GPM6B: variants seen among roughly 807,000 people sequenced by gnomAD.
GPM6B encodes the protein glycoprotein M6B.
In GPM6B, 4 loss-of-function variants were observed where a neutral mutation model predicts 27.2. That is an observed-to-expected ratio of 0.15 (90% CI 0.07 to 0.34). The LOEUF (loss-of-function observed/expected upper bound fraction) is 0.34. Ranked by LOEUF, GPM6B falls within the 10% of genes least tolerant of loss-of-function variation. GPM6B has a pLI of 1.00. For missense variants in GPM6B, 183 were observed against 261.9 expected (o/e 0.70, Z 2.08); for synonymous variants, 124 against 103.1 (o/e 1.20, Z -1.23).
In GPM6B at chrX:13,800,808, C is replaced by A. The variant is rs924497810; in HGVS notation, c.181+6842G>T. Among the ~76,000 whole-genome samples the A allele has an allele frequency of 5.4e-5, 6 of 110,419 alleles. No individual in the cohort carries two copies. In the South Asian group the frequency reaches 2.3e-3, roughly 43 times the overall value. On this transcript the variant is annotated intron_variant, in intron 2 of 7. Coordinates refer to ENST00000316715, the MANE Select transcript of GPM6B (RefSeq NM_001001995.3). ...CTTAAAATGGGCCAAATTTCTGGGA[C>A]CCATCGCAGAGAGGGTAGGTGGGGA...
At chrX:13,845,787 G>A (rs183262784) in intron 1 of GPM6B, among the ~76,000 whole-genome samples, 45 of 112,093 alleles carry the variant, frequency 4.0e-4, no homozygotes, top group African/African-American at 1.4e-3. Flanking sequence ...AGCCAGCAAC[G>A]TTGCAAGAAA....
intron 1 of GPM6B, among the ~76,000 whole-genome samples, chrX:13,935,909 G>A (rs867113270): frequency 3.6e-4 from 41 of 112,366 alleles, no homozygotes; most frequent in Middle Eastern, 9.2e-3. Context: ...TGTGCAAAAC[G>A]ACCAAAGTTA....
At chrX:13,815,838 C>T (rs2106706) in intron 1 of GPM6B, among the ~76,000 whole-genome samples, 5,426 of 111,735 alleles carry the variant, frequency 0.049, 463 homozygotes, top group East Asian at 0.36. Flanking sequence ...ATAAATAAAA[C>T]GAAGTTTTGT....
chrX:13,927,495 A>T (rs768227677), intron 1 of GPM6B, among the ~76,000 whole-genome samples: 191 of 112,868 alleles, frequency 1.7e-3, no homozygotes, highest in Non-Finnish European at 3.0e-3. Flanking sequence ...GGCAAACCAC[A>T]ATTTCCTATG....
chrX:13,773,054 T>C, intron 7 of GPM6B, 24 bp from the exon 8 acceptor site: 1 of 1,197,811 alleles, frequency 8.3e-7, no homozygotes, highest in Non-Finnish European at 1.1e-6. Context: ...GTGAGCATGA[T>C]GGCTAGTGAG....
intron 1 of GPM6B, among the ~76,000 whole-genome samples, chrX:13,888,066 G>C (rs754059175): frequency 9.8e-5 from 11 of 112,293 alleles, no homozygotes; most frequent in Non-Finnish European, 1.5e-4. Context: ...CACTGAATTA[G>C]ATGATCCCTA....
intron 1 of GPM6B, among the ~76,000 whole-genome samples, chrX:13,808,106 CAACAGAGCACT>C (rs202211708): frequency 0.043 from 4,855 of 111,761 alleles, 156 homozygotes; most frequent in East Asian, 0.19. Context: ...CTTTTCAGAC[CAACAGAGCACT>C]AACAGAGCAC....
intron 7 of GPM6B, chrX:13,773,249 A>C (rs1376581098): frequency 7.1e-6 from 2 of 283,421 alleles, no homozygotes; most frequent in African/African-American, 5.5e-5. Context: ...AACATAGTGA[A>C]CTGGAAAAAA....
chrX:13,912,364 T>C (rs1001014251), intron 1 of GPM6B, among the ~76,000 whole-genome samples: 3 of 111,902 alleles, frequency 2.7e-5, no homozygotes, highest in African/African-American at 9.7e-5. Flanking sequence ...TTGTTACTGT[T>C]TAAAGCACTT....
chrX:13,899,494 T>TA (rs1377503904), intron 1 of GPM6B, among the ~76,000 whole-genome samples: 2 of 94,458 alleles, frequency 2.1e-5, no homozygotes, highest in Admixed American at 2.3e-4. Context: ...TGTGGGGTGA[T>TA]AAAAAATTAA....
intron 1 of GPM6B, among the ~76,000 whole-genome samples, chrX:13,881,419 G>A (rs1249456972): frequency 1.8e-5 from 2 of 110,769 alleles, no homozygotes; most frequent in East Asian, 5.7e-4. Flanking sequence ...GGCTGAGGTG[G>A]GAGAATCGCT....
At chrX:13,773,083 C>A (rs1166989387) in intron 7 of GPM6B, 53 bp from the exon 8 acceptor site, 9 of 1,099,330 alleles carry the variant, frequency 8.2e-6, no homozygotes, top group Non-Finnish European at 8.8e-6. Flanking sequence ...GAAGGCAAAG[C>A]GAGGCGCTAG....
intron 1 of GPM6B, among the ~76,000 whole-genome samples, chrX:13,834,074 G>A (rs1035715682): frequency 2.7e-5 from 3 of 112,381 alleles, no homozygotes; most frequent in Non-Finnish European, 3.8e-5. Context: ...CTGATTATCC[G>A]GTCTTATTTG....
chrX:13,914,398 A>C (rs146202349), intron 1 of GPM6B, among the ~76,000 whole-genome samples: 1,559 of 112,450 alleles, frequency 0.014, 22 homozygotes, highest in African/African-American at 0.048. Flanking sequence ...AGTTCCGGCT[A>C]CTGGGATGTG....
intron 1 of GPM6B, among the ~76,000 whole-genome samples, chrX:13,915,278 T>TAAA (rs57417145): frequency 5.0e-5 from 4 of 80,512 alleles, no homozygotes; most frequent in Admixed American, 4.8e-4. Flanking sequence ...AAAAAATGTG[T>TAAA]AAAAAAAAAA....
chrX:13,831,265 C>G (rs979477794), intron 1 of GPM6B, among the ~76,000 whole-genome samples: 1 of 107,834 alleles, frequency 9.3e-6, no homozygotes. Context: ...GGTTTATTTA[C>G]AATCAGGCCC....
At chrX:13,825,181 G>A (rs1356964493) in intron 1 of GPM6B, among the ~76,000 whole-genome samples, 2 of 111,532 alleles carry the variant, frequency 1.8e-5, no homozygotes, top group Non-Finnish European at 3.8e-5. Flanking sequence ...CAGGAGTTAG[G>A]ACTTCAACAT....
intron 1 of GPM6B, among the ~76,000 whole-genome samples, chrX:13,894,588 G>A (rs2050215967): frequency 8.9e-6 from 1 of 112,008 alleles, no homozygotes; most frequent in South Asian, 3.7e-4. Context: ...ACAGGCTGAG[G>A]TATTTTATTG....
chrX:13,804,419 G>A (rs184137705), intron 2 of GPM6B, among the ~76,000 whole-genome samples: 3,171 of 80,118 alleles, frequency 0.04, 82 homozygotes, highest in Middle Eastern at 0.11. Context: ...ATGGACGGCG[G>A]GGGGGGCGGG....
Sources: allele counts gnomAD v4.1 joint callset (sites outside exome capture counted in the v4.1 genomes callset), GRCh38; gene constraint gnomAD v4.1.1; transcripts MANE v1.5; gene names NCBI Gene and HGNC (gene_info 2026-07-23, HGNC 2026-07-21).